Variants in PPM1D observed in about 807,000 individuals in gnomAD.
PPM1D encodes protein phosphatase 1D.
A neutral mutation model predicts 58.3 loss-of-function variants in PPM1D; 52 were observed. The ratio of observed to expected loss-of-function variants is 0.89; its 90% CI spans 0.71 to 1.12. The LOEUF (loss-of-function observed/expected upper bound fraction) is 1.12. Ranked by LOEUF, PPM1D falls within the 50% of genes most tolerant of loss-of-function variation. The pLI is 0.00. For synonymous variants in PPM1D, 278 were observed against 285.1 expected, an observed-to-expected ratio of 0.98 and a Z score of 0.25; for missense variants, 564 against 777.2, an observed-to-expected ratio of 0.73 and a Z score of 3.26.
At chr17:60,655,498 A>G (rs2031420609) in intron 4 of PPM1D, among the ~76,000 whole-genome samples, 1 of 151,278 alleles carries the variant, frequency 6.6e-6, no homozygotes, top group African/African-American at 2.4e-5. Context: ...ACAGGCACAC[A>G]CCACCATGCC....
chr17:60,645,490 G>GTGTA (rs1289243038), intron 3 of PPM1D, among the ~76,000 whole-genome samples: 6 of 141,972 alleles, frequency 4.2e-5, no homozygotes, highest in African/African-American at 1.6e-4. Flanking sequence ...GTGTGTGTGT[G>GTGTA]TGTATGTGTA....
chr17:60,621,509 C>T (rs2030701451), intron 1 of PPM1D, among the ~76,000 whole-genome samples: 2 of 152,180 alleles, frequency 1.3e-5, no homozygotes, highest in South Asian at 2.1e-4. Context: ...ATTCTCCCAC[C>T]TCAGCCTCCT....
chr17:60,662,084 C>A (rs905954747), intron 5 of PPM1D, among the ~76,000 whole-genome samples: 2 of 152,152 alleles, frequency 1.3e-5, no homozygotes, highest in Admixed American at 1.3e-4. Context: ...GCAGCCTCCA[C>A]CTCCTGGGCT....
At chr17:60,653,587 T>G (rs1208254797) in intron 4 of PPM1D, among the ~76,000 whole-genome samples, 1 of 152,220 alleles carries the variant, frequency 6.6e-6, no homozygotes, top group African/African-American at 2.4e-5. Context: ...TCATTTCAAT[T>G]TTGATAGGGA....
chr17:60,612,919 G>A (rs1002551805), intron 1 of PPM1D, among the ~76,000 whole-genome samples: 22 of 152,164 alleles, frequency 1.4e-4, no homozygotes, highest in African/African-American at 5.3e-4. Flanking sequence ...GTGGTGGCAG[G>A]AATCTTTGTT....
intron 2 of PPM1D, among the ~76,000 whole-genome samples, chr17:60,633,517 T>A (rs1205083544): frequency 6.6e-6 from 1 of 152,144 alleles, no homozygotes; most frequent in African/African-American, 2.4e-5. Flanking sequence ...CAAGCAGTTC[T>A]CTCTCCACTT....
Position 60,660,430 on chromosome 17 carries a change from C to T in PPM1D, c.1261-2565C>T, listed in dbSNP as rs961357086. Among the ~76,000 whole-genome samples, 3 of 152,096 alleles carry T rather than the reference C, an allele frequency of 2.0e-5. No homozygotes were observed. The East Asian group carries it at 5.8e-4, about 29-fold the overall frequency. On this transcript the variant is annotated intron_variant, in intron 5 of 5. Transcript: ENST00000305921. The stretch of plus-strand genomic sequence containing the variant: ...ATTCTTTGTCCTTTTCTTCAGTGTC[C>T]ATTGGTCCTAAAGTCTATATATATA...
At chr17:60,662,365 T>C (rs1043320950) in intron 5 of PPM1D, 8 of 152,172 alleles carry the variant, frequency 5.3e-5, no homozygotes, top group African/African-American at 1.9e-4. Flanking sequence ...ATTTGTGTCA[T>C]CTTTGCACAG....
At chr17:60,631,010 C>G (rs2030909675) in intron 2 of PPM1D, among the ~76,000 whole-genome samples, 1 of 152,226 alleles carries the variant, frequency 6.6e-6, no homozygotes, top group Non-Finnish European at 1.5e-5. Context: ...GATATTTTAA[C>G]TCTTGTTATG....
At chr17:60,645,102 C>T (rs908151166) in intron 3 of PPM1D, among the ~76,000 whole-genome samples, 8 of 152,100 alleles carry the variant, frequency 5.3e-5, no homozygotes, top group African/African-American at 1.9e-4. Context: ...GCCTGTAATC[C>T]TAGCACTTTG....
At chr17:60,652,226 A>G (rs1278139558) in intron 4 of PPM1D, among the ~76,000 whole-genome samples, 1 of 152,066 alleles carries the variant, frequency 6.6e-6, no homozygotes, top group African/African-American at 2.4e-5. Flanking sequence ...GCTGCCACAT[A>G]TGAGTGAGAT....
intron 3 of PPM1D, among the ~76,000 whole-genome samples, chr17:60,641,374 G>C (rs566445504): frequency 6.6e-6 from 1 of 152,074 alleles, no homozygotes; most frequent in African/African-American, 2.4e-5. Context: ...ATGATTCTTG[G>C]CCGTTTGCAT....
At chr17:60,609,767 TTAA>T (rs1238336703) in intron 1 of PPM1D, among the ~76,000 whole-genome samples, 1 of 152,206 alleles carries the variant, frequency 6.6e-6, no homozygotes, top group Non-Finnish European at 1.5e-5. Flanking sequence ...CTTATTTTAC[TTAA>T]TAATGGACCC....
rs886610412 is a variant in PPM1D, at chr17:60,662,943, T to G, written c.1261-52T>G. 3 of 1,497,752 alleles carry G rather than the reference T, an allele frequency of 2.0e-6. No individual in the cohort carries two copies. In the African/African-American group the frequency reaches 4.2e-5, roughly 21 times the overall value. 92.8% of individuals were successfully genotyped at this position (1,497,752 alleles called of 1,614,324 possible). On this transcript the variant is annotated intron_variant, in intron 5 of 5. Coordinates refer to ENST00000305921, the MANE Select transcript of PPM1D (RefSeq NM_003620.4). ...GCCTAATATCACATGCATAGATTTG[T>G]TGAGTTCTGGGATAAATTTTTTCTT...
At chr17:60,603,661 G>C (rs1247908489) in intron 1 of PPM1D, among the ~76,000 whole-genome samples, 1 of 152,160 alleles carries the variant, frequency 6.6e-6, no homozygotes, top group Non-Finnish European at 1.5e-5. Flanking sequence ...TACTCAGAAG[G>C]CTTAGGCAGA....
chr17:60,633,336 G>A lies in PPM1D; in HGVS notation c.702-517G>A, dbSNP rs368946562. Among the ~76,000 whole-genome samples the A allele has an allele frequency of 1.4e-4, 22 of 152,170 alleles. No individual in the cohort carries two copies. In the East Asian group the frequency reaches 2.5e-3, roughly 17 times the overall value. On this transcript the variant is annotated intron_variant, in intron 2 of 5. Coordinates refer to ENST00000305921, the MANE Select transcript of PPM1D (RefSeq NM_003620.4). ...AAACTGAAGTTCTGCTGTTTCGCCC[G>A]TCCTCAACATAAACACTCAGAACCC... is the stretch of plus-strand genomic sequence containing the variant.
intron 3 of PPM1D, among the ~76,000 whole-genome samples, chr17:60,645,872 G>C (rs191662990): frequency 1.3e-4 from 20 of 151,932 alleles, no homozygotes; most frequent in Non-Finnish European, 2.6e-4. Flanking sequence ...ACCCAGTACC[G>C]TGGCTCATAC....
chr17:60,616,228 C>CAG (rs2030581195), intron 1 of PPM1D, among the ~76,000 whole-genome samples: 1 of 143,170 alleles, frequency 7.0e-6, no homozygotes, highest in Non-Finnish European at 1.5e-5. Context: ...GCGGAGGTTG[C>CAG]AGTGAGCTGA....
At chr17:60,631,418 T>G (rs910412864) in intron 2 of PPM1D, among the ~76,000 whole-genome samples, 3 of 151,434 alleles carry the variant, frequency 2.0e-5, no homozygotes, top group African/African-American at 7.3e-5. Context: ...GCAGGCAGAT[T>G]ACTTGAGGCC....
Sources: allele counts gnomAD v4.1 joint callset (sites outside exome capture counted in the v4.1 genomes callset), GRCh38; gene constraint gnomAD v4.1.1; transcripts MANE v1.5; gene names NCBI Gene and HGNC (gene_info 2026-07-23, HGNC 2026-07-21).